Variants in CLINT1 observed in about 807,000 individuals in gnomAD.
The protein encoded by CLINT1 is clathrin interactor 1.
In CLINT1, 15 loss-of-function variants were observed where a neutral mutation model predicts 70.4. The ratio of observed to expected loss-of-function variants is 0.21; its 90% confidence interval spans 0.14 to 0.33. The LOEUF (loss-of-function observed/expected upper bound fraction) is 0.33. CLINT1 is among the 10% of genes least tolerant of loss of function. CLINT1 has a pLI of 1.00. For synonymous variants in CLINT1, 227 were observed against 254.7 expected, an observed-to-expected ratio of 0.89 and a Z score of 1.04; for missense variants, 615 against 778.1, an observed-to-expected ratio of 0.79 and a Z score of 2.49.
chr5:157,816,739 A>G lies in CLINT1; in HGVS notation c.238T>C (p.Tyr80His). The G allele has an allele frequency of 2.5e-6, 4 of 1,605,990 alleles. No homozygotes were observed. The highest frequency in any genetic ancestry group is 3.4e-6 in the Non-Finnish European group (4 of 1,175,772). Residue 80 changes from tyrosine (Y) to histidine (H), a missense_variant, in exon 3 of 12, where the codon TAT becomes CAT. Physicochemically the swap from Tyr to His is moderately conservative, Grantham distance 83. Coordinates refer to ENST00000411809, the MANE Select transcript of CLINT1 (RefSeq NM_014666.4). ...KDNKKNWRRV[Y>H]KSLLLLAYLI... Reference sequence around the variant, plus strand: ...AAGCAGACTTGTGTCCATACCTTATAAACTCTTCTCCAATTCTTTTTGTTG... The same window carrying G: ...AAGCAGACTTGTGTCCATACCTTATGAACTCTTCTCCAATTCTTTTTGTTG...
chr5:157,826,671 T>C (rs1724163509), intron 1 of CLINT1, among the ~76,000 whole-genome samples: 1 of 152,178 alleles, frequency 6.6e-6, no homozygotes, highest in African/African-American at 2.4e-5. Context: ...ATTTCCTGTG[T>C]CAAACCTTCC....
chr5:157,791,651 G>C (rs565246313), intron 10 of CLINT1, 52 bp downstream of exon 10: 1 of 1,485,938 alleles, frequency 6.7e-7, no homozygotes, highest in Admixed American at 2.0e-5. Flanking sequence ...CAATGAGTTA[G>C]AGCATCTCAA....
chr5:157,855,853 T>A (rs1753741755), intron 1 of CLINT1, among the ~76,000 whole-genome samples: 1 of 151,946 alleles, frequency 6.6e-6, no homozygotes, highest in Non-Finnish European at 1.5e-5. Flanking sequence ...GAGACTCGCT[T>A]GAACCCCAGA....
At chr5:157,846,819 T>G (rs976629554) in intron 1 of CLINT1, among the ~76,000 whole-genome samples, 2 of 152,218 alleles carry the variant, frequency 1.3e-5, no homozygotes, top group African/African-American at 4.8e-5. Flanking sequence ...AGAATTATGC[T>G]AAATCTACTC....
At chr5:157,823,541 A>C (rs1581513124) in intron 1 of CLINT1, among the ~76,000 whole-genome samples, 1 of 152,222 alleles carries the variant, frequency 6.6e-6, no homozygotes, top group Non-Finnish European at 1.5e-5. Context: ...AAAACCACAG[A>C]GAACAATTTA....
intron 1 of CLINT1, among the ~76,000 whole-genome samples, chr5:157,842,440 G>A (rs185210252): frequency 9.2e-5 from 14 of 152,272 alleles, no homozygotes; most frequent in African/African-American, 2.9e-4. Context: ...GTGATACAGC[G>A]AGACTCCAGG....
intron 10 of CLINT1, chr5:157,790,503 G>C: frequency 2.9e-6 from 1 of 344,192 alleles, no homozygotes; most frequent in Non-Finnish European, 5.6e-6. Flanking sequence ...CCAATGCAAA[G>C]AATTATGACA....
In CLINT1 at chr5:157,815,120, T is replaced by TACACACACACAC. The variant is rs150242169; in HGVS notation, c.244-839_244-828dup. Among the ~76,000 whole-genome samples, 704 of 142,186 alleles carry TACACACACACAC rather than the reference T, an allele frequency of 5.0e-3. 11 individuals carry two copies. The highest frequency in any genetic ancestry group is 0.017 in the African/African-American group (662 of 39,244). 93.3% of individuals were successfully genotyped at this position (142,186 alleles called of 152,430 possible). On this transcript the variant is annotated intron_variant, in intron 3 of 11. Transcript: ENST00000411809. ...TTTGCAAAATAGACATCTTCACACA[T>TACACACACACAC]ACACACACACACACACACACACACA...
chr5:157,816,764 G>T lies in CLINT1; in HGVS notation c.213C>A (p.Asp71Glu). 1 of 1,609,962 alleles carries T rather than the reference G, an allele frequency of 6.2e-7. No homozygotes were observed. The highest frequency in any genetic ancestry group is 8.5e-7 in the Non-Finnish European group (1 of 1,178,422). The part of the protein sequence containing the change: ...MNMLWSRMLK[D>E]NKKNWRRVYK... ...AAACTCTTCTCCAATTCTTTTTGTT[G>T]TCTTTTAACATTCGTGACCAAAGCA... The change falls in exon 3 of 12, where the codon GAC becomes GAA. Residue 71 changes from aspartate to glutamate, a missense_variant. Asp to Glu is a conservative substitution (Grantham distance 45). Around this residue, in one of 2 missense-constraint regions of CLINT1, gnomAD observed 241 missense variants for 368.6 expected, o/e 0.65. Coordinates refer to ENST00000411809, the MANE Select transcript of CLINT1 (RefSeq NM_014666.4).
intron 8 of CLINT1, 67 bp downstream of exon 8, chr5:157,803,579 AATCT>A (rs1436287307): frequency 1.3e-5 from 14 of 1,060,396 alleles, no homozygotes; most frequent in Non-Finnish European, 3.8e-6. Flanking sequence ...CTTATTTTTC[AATCT>A]ATCTTTTATT....
intron 1 of CLINT1, among the ~76,000 whole-genome samples, chr5:157,834,038 T>C (rs191372294): frequency 1.3e-5 from 2 of 152,302 alleles, no homozygotes; most frequent in African/African-American, 4.8e-5. Flanking sequence ...ATAATCTTGC[T>C]CTCTTAAAGA....
chr5:157,813,358 G>T, intron 4 of CLINT1, 131 bp from the exon 5 acceptor site: 1 of 824,192 alleles, frequency 1.2e-6, no homozygotes, highest in Non-Finnish European at 1.8e-6. Flanking sequence ...ATAGAAAGGG[G>T]CAAGTTGTGC....
chr5:157,831,714 T>A (rs1429139118), intron 1 of CLINT1, among the ~76,000 whole-genome samples: 5 of 138,672 alleles, frequency 3.6e-5, no homozygotes, highest in South Asian at 2.4e-4. Context: ...TTTTTTTTTT[T>A]AAGACAGTCT....
intron 1 of CLINT1, among the ~76,000 whole-genome samples, chr5:157,858,724 GT>G (rs1002732298): frequency 1.3e-5 from 2 of 151,710 alleles, no homozygotes; most frequent in Non-Finnish European, 2.9e-5. Flanking sequence ...CCAAGAGGAT[GT>G]TTTTTTTTAA....
chr5:157,794,760 T>C (rs1762018000), intron 9 of CLINT1, 138 bp downstream of exon 9: 1 of 679,536 alleles, frequency 1.5e-6, no homozygotes, highest in African/African-American at 1.8e-5. Flanking sequence ...ATAAAATACC[T>C]TGTGAATAAA....
intron 3 of CLINT1, among the ~76,000 whole-genome samples, chr5:157,815,011 C>T (rs558227817): frequency 3.5e-5 from 5 of 144,570 alleles, no homozygotes; most frequent in African/African-American, 1.0e-4. Context: ...CCAGCCTCGG[C>T]GACAGAGAAA....
At chr5:157,801,847 T>A (rs991745269) in intron 8 of CLINT1, among the ~76,000 whole-genome samples, 1 of 151,988 alleles carries the variant, frequency 6.6e-6, no homozygotes, top group Non-Finnish European at 1.5e-5. Flanking sequence ...TACTAAACTA[T>A]CAGTGAAAAG....
Position 157,855,247 on chromosome 5 carries a change from T to C in CLINT1, c.41+3683A>G, listed in dbSNP as rs1051293064. Among the ~76,000 whole-genome samples the C allele has an allele frequency of 4.9e-5, 7 of 143,524 alleles. 1 individual carries two copies. The highest frequency in any genetic ancestry group is 1.5e-5 in the Non-Finnish European group (1 of 66,690). 94.2% of individuals were successfully genotyped at this position (143,524 alleles called of 152,430 possible). ...GAAGGATTCGCTGAGCTTGAACAAATAAGTAGCAGTTTTGATCTACCACTA... is the reference window on the plus strand; with the variant it reads ...GAAGGATTCGCTGAGCTTGAACAAACAAGTAGCAGTTTTGATCTACCACTA... On this transcript the variant is annotated intron_variant, in intron 1 of 11. Transcript: ENST00000411809.
chr5:157,809,526 A>T, intron 6 of CLINT1, 102 bp downstream of exon 6: 3 of 862,914 alleles, frequency 3.5e-6, no homozygotes, highest in Non-Finnish European at 3.4e-6. Context: ...CCAATTTCAG[A>T]TAATGTTAAT....
Sources: allele counts gnomAD v4.1 joint callset (sites outside exome capture counted in the v4.1 genomes callset), GRCh38; gene constraint gnomAD v4.1.1; regional missense constraint gnomAD v4.1.1; transcripts MANE v1.5; gene names NCBI Gene and HGNC (gene_info 2026-07-23, HGNC 2026-07-21).